Variants in BACH2 observed in about 807,000 individuals in gnomAD.
BACH2 encodes BACH transcriptional regulator 2.
BACH2 carries 5 observed loss-of-function variants against 61.8 expected under a neutral mutation model. That is an observed-to-expected ratio of 0.08 (90% CI 0.04 to 0.17). The LOEUF is 0.17. BACH2 is among the 10% of genes least tolerant of loss of function. BACH2 has a pLI of 1.00. For synonymous variants in BACH2, 446 were observed against 440.1 expected (o/e 1.01, Z -0.17); for missense variants, 824 against 1,091.1 (o/e 0.76, Z 3.45).
intron 4 of BACH2, among the ~76,000 whole-genome samples, chr6:90,172,009 C>T (rs762473282): frequency 2.0e-5 from 3 of 151,908 alleles, no homozygotes; most frequent in Admixed American, 6.6e-5. Context: ...TATAATCTTA[C>T]GTTTAAGAAA....
intron 7 of BACH2, among the ~76,000 whole-genome samples, chr6:89,939,434 G>A (rs1479164264): frequency 1.3e-5 from 2 of 152,188 alleles, no homozygotes; most frequent in African/African-American, 4.8e-5. Context: ...AACTGTAAGA[G>A]GTGTTAAGTG....
chr6:89,959,862 T>C (rs1008687911), intron 6 of BACH2, among the ~76,000 whole-genome samples: 6 of 152,150 alleles, frequency 3.9e-5, no homozygotes, highest in African/African-American at 1.4e-4. Context: ...CTGGTTAACT[T>C]ATTATCGGAC....
chr6:90,060,446 ATTTT>A (rs964783803), intron 5 of BACH2, among the ~76,000 whole-genome samples: 1 of 151,544 alleles, frequency 6.6e-6, no homozygotes, highest in Non-Finnish European at 1.5e-5. Flanking sequence ...TTTTTTGATA[ATTTT>A]TTTTTATTAC....
intron 1 of BACH2, among the ~76,000 whole-genome samples, chr6:90,291,060 GAACA>G (rs1772162680): frequency 6.6e-6 from 1 of 152,190 alleles, no homozygotes; most frequent in Non-Finnish European, 1.5e-5. Context: ...TTCAGGAAAA[GAACA>G]AAAAGGTCAG....
At chr6:90,172,175 A>G (rs1767836011) in intron 4 of BACH2, among the ~76,000 whole-genome samples, 1 of 151,920 alleles carries the variant, frequency 6.6e-6, no homozygotes, top group Non-Finnish European at 1.5e-5. Context: ...GCGTGGTGGC[A>G]TGCGCCTGTA....
At chr6:90,275,180 G>A (rs778603086) in intron 1 of BACH2, among the ~76,000 whole-genome samples, 3 of 152,154 alleles carry the variant, frequency 2.0e-5, no homozygotes, top group Non-Finnish European at 4.4e-5. Flanking sequence ...GAGAAAACAG[G>A]AAAAAATTAA....
At chr6:90,134,290 T>C (rs75664453) in intron 4 of BACH2, among the ~76,000 whole-genome samples, 8,780 of 152,308 alleles carry the variant, frequency 0.058, 751 homozygotes, top group African/African-American at 0.19. Flanking sequence ...AATGCATTTT[T>C]GCCCAAACAC....
chr6:90,245,670 T>A (rs1582527550), intron 3 of BACH2, among the ~76,000 whole-genome samples: 1 of 152,246 alleles, frequency 6.6e-6, no homozygotes, highest in East Asian at 1.9e-4. Flanking sequence ...TTCATTTACA[T>A]CATTCAGTAG....
intron 5 of BACH2, among the ~76,000 whole-genome samples, chr6:90,015,901 T>C (rs1433341720): frequency 1.3e-5 from 2 of 152,226 alleles, no homozygotes; most frequent in African/African-American, 4.8e-5. Context: ...TGTCTGTCAG[T>C]TATTGTAATT....
intron 2 of BACH2, among the ~76,000 whole-genome samples, chr6:90,265,821 A>T (rs1460945198): frequency 1.3e-5 from 2 of 152,224 alleles, no homozygotes; most frequent in Non-Finnish European, 2.9e-5. Flanking sequence ...TGGGCACCAG[A>T]TAGAAGAGGA....
Position 89,961,185 on chromosome 6 carries a change from C to T in BACH2, c.244-9323G>A, listed in dbSNP as rs78680058. 9.0e-3 allele frequency among the ~76,000 whole-genome samples: 1,366 copies of T among 152,044 alleles called. 20 individuals are homozygous for T. The highest frequency in any genetic ancestry group is 0.03 in the African/African-American group (1,249 of 41,458). On this transcript the variant is annotated intron_variant, in intron 6 of 8. Transcript: ENST00000257749. Reference sequence around the variant, plus strand: ...TATTCATATTTACCCTAAAAGCATACGGTGAAAACAGAAAATCTCCCTTCT... The same window carrying T: ...TATTCATATTTACCCTAAAAGCATATGGTGAAAACAGAAAATCTCCCTTCT...
Position 89,951,853 on chromosome 6 carries a change from T to G in BACH2, c.253A>C (p.Arg85=), listed in dbSNP as rs981101414. The part of the protein sequence containing the change: ...VVSLPEEVTA[R]GFGPLLQFAY... ...AACTGTAACAGCGGCCCAAAGCCCC[T>G]GGCTGTGACCTGCAAAACAAACAGG... The change falls in exon 7 of 9, where the codon AGG becomes CGG. Residue 85 remains arginine (R), a synonymous_variant. Coordinates refer to ENST00000257749, the MANE Select transcript of BACH2 (RefSeq NM_021813.4). This position sits in a 1 kb window ranked among gnomAD's most constrained non-coding sequence, Gnocchi z 6.4. 4.3e-6 allele frequency: 7 copies of G among 1,609,954 alleles called. No individual in the cohort carries two copies. Among genetic ancestry groups the G allele is most frequent in the Non-Finnish European group, 5.1e-6 (6 of 1,176,588 alleles).
At chr6:90,208,260 T>G (rs1011543303) in intron 3 of BACH2, among the ~76,000 whole-genome samples, 2 of 151,894 alleles carry the variant, frequency 1.3e-5, no homozygotes, top group Admixed American at 1.3e-4. Flanking sequence ...ATCAGCAGAG[T>G]GAACAGGCAA....
At chr6:90,112,037 C>T (rs1283621987) in intron 4 of BACH2, among the ~76,000 whole-genome samples, 1 of 152,214 alleles carries the variant, frequency 6.6e-6, no homozygotes, top group African/African-American at 2.4e-5. Context: ...CTAGTACATA[C>T]TTTGCCATGT....
intron 4 of BACH2, among the ~76,000 whole-genome samples, chr6:90,157,018 C>G (rs1785017789): frequency 6.6e-6 from 1 of 152,218 alleles, no homozygotes; most frequent in East Asian, 1.9e-4. Flanking sequence ...CCTACAGATT[C>G]TGTCAAACCT....
intron 3 of BACH2, among the ~76,000 whole-genome samples, chr6:90,243,839 C>T (rs1261319604): frequency 6.6e-6 from 1 of 152,206 alleles, no homozygotes; most frequent in Admixed American, 6.5e-5. Context: ...CATTAGAAGG[C>T]ATCTACCTTT....
intron 4 of BACH2, among the ~76,000 whole-genome samples, chr6:90,188,861 T>G (rs1161028457): frequency 6.6e-6 from 1 of 151,676 alleles, no homozygotes; most frequent in Non-Finnish European, 1.5e-5. Context: ...AAAGGCTAGC[T>G]CTGAACATTT....
Position 89,935,229 on chromosome 6 carries a change from A to G in BACH2, c.2044-2339T>C, listed in dbSNP as rs115525970. ...TGTCAGGACATAGCATCCTCACCAC[A>G]GGGTGGCAGATAAGAAACAAAACAC... On this transcript the variant is annotated intron_variant, in intron 8 of 8. Transcript: ENST00000257749. 2.1e-3 allele frequency among the ~76,000 whole-genome samples: 320 copies of G among 152,260 alleles called. 1 individual carries two copies. The highest frequency in any genetic ancestry group is 7.5e-3 in the African/African-American group (310 of 41,544).
intron 4 of BACH2, among the ~76,000 whole-genome samples, chr6:90,151,054 T>C (rs975948038): frequency 1.3e-5 from 2 of 152,174 alleles, no homozygotes; most frequent in African/African-American, 4.8e-5. Flanking sequence ...AAACTAGAAT[T>C]TATTGTCACT....
Sources: allele counts gnomAD v4.1 joint callset (sites outside exome capture counted in the v4.1 genomes callset), GRCh38; gene constraint gnomAD v4.1.1; non-coding constraint Gnocchi (gnomAD v3.1); transcripts MANE v1.5; gene names NCBI Gene and HGNC (gene_info 2026-07-23, HGNC 2026-07-21).